SRPRA: variants seen among roughly 807,000 people sequenced by gnomAD.
SRPRA encodes the protein SRP receptor subunit alpha.
Under a neutral mutation model 61.1 loss-of-function variants are expected in SRPRA, and 30 were observed. The observed-to-expected ratio is 0.49, with a 90% CI of 0.37 to 0.67. The LOEUF is 0.67. Among genes scored for constraint, SRPRA ranks in the 30% least tolerant of loss-of-function variants. SRPRA has a pLI of 0.00. For missense variants in SRPRA, 759 were observed against 828.4 expected (o/e 0.92, Z 1.03); for synonymous variants, 324 against 299.7 (o/e 1.08, Z -0.84).
rs549045415 is a variant in SRPRA at position 126,264,215 on chromosome 11, G to C, written c.1764C>G (p.Thr588=). Residue 588 remains threonine (T), a synonymous_variant, in exon 13 of 14, where the codon ACC becomes ACG. Coordinates refer to ENST00000332118, the MANE Select transcript of SRPRA (RefSeq NM_003139.4). This position sits in a 1 kb window ranked among gnomAD's most constrained non-coding sequence, Gnocchi z 5.0. ...TPRLIDGIVL[T]KFDTIDDKVG... is the part of the protein sequence containing the mutation. ...CCTTGTCATCAATGGTATCAAATTT[G>C]GTAAGAACAATGCCATCAATGAGCC... is the stretch of plus-strand genomic sequence containing the variant. 2 of 1,613,934 alleles carry C rather than the reference G, an allele frequency of 1.2e-6. No individual in the cohort carries two copies. The highest frequency in any genetic ancestry group is 1.7e-6 in the Non-Finnish European group (2 of 1,180,034).
chr11:126,242,024 C>CAAAA, the SRPRA span, among the ~76,000 whole-genome samples: 1 of 88,418 alleles, frequency 1.1e-5, no homozygotes. Flanking sequence ...GACTCCGTCT[C>CAAAA]AAAAAAAAAA....
the SRPRA span, among the ~76,000 whole-genome samples, chr11:126,237,919 T>G: frequency 1.3e-5 from 2 of 151,976 alleles, no homozygotes; most frequent in Non-Finnish European, 2.9e-5. Flanking sequence ...TCTTTTAATT[T>G]TTTTTTCTCC....
the SRPRA span, among the ~76,000 whole-genome samples, chr11:126,253,297 G>A: frequency 3.3e-5 from 5 of 152,128 alleles, no homozygotes; most frequent in South Asian, 6.2e-4. The surrounding 1 kb of genome is among the most constrained non-coding windows in gnomAD (Gnocchi z 5.1). Context: ...TCAGAATGGG[G>A]CCTAGTAACA....
the SRPRA span, among the ~76,000 whole-genome samples, chr11:126,238,119 T>A: frequency 6.6e-6 from 1 of 152,108 alleles, no homozygotes; most frequent in Non-Finnish European, 1.5e-5. Flanking sequence ...CCCAGCACTT[T>A]GGGAGGCCAA....
chr11:126,240,703 C>T, the SRPRA span: 1 of 1,357,368 alleles, frequency 7.4e-7, no homozygotes. Context: ...TAAAAGTTAG[C>T]TAAAAACTGT....
rs535431773 is a variant in SRPRA at position 126,265,671 on chromosome 11, A to G, written c.1138+66T>C. On this transcript the variant is annotated intron_variant, in intron 9 of 13. Transcript: ENST00000332118. This position sits in a 1 kb window ranked among gnomAD's most constrained non-coding sequence, Gnocchi z 6.3. Reference sequence around the variant, plus strand: ...GGAATTTGCCGAAAGTCACATACCTAGTAAGAACTGAGGTCTATGCACTTA... The same window carrying G: ...GGAATTTGCCGAAAGTCACATACCTGGTAAGAACTGAGGTCTATGCACTTA... 2.1e-4 allele frequency: 324 copies of G among 1,542,734 alleles called. 5 individuals are homozygous for G. In the South Asian group the frequency reaches 3.5e-3, roughly 17 times the overall value.
Position 126,266,927 on chromosome 11 carries a change from T to TG in SRPRA, c.527-6dup, listed in dbSNP as rs762630241. ...TAGCCAAAGGACCATCAGAACCTGT[T>TG]GGGGAAAAAACTCACTGAAGAAAAA... On this transcript the variant is annotated splice_polypyrimidine_tract_variant and splice_region_variant and intron_variant, in intron 4 of 13. Coordinates refer to ENST00000332118, the MANE Select transcript of SRPRA (RefSeq NM_003139.4). 1.2e-5 allele frequency: 19 copies of TG among 1,609,918 alleles called. No individual in the cohort carries two copies. The highest frequency in any genetic ancestry group is 1.1e-4 in the East Asian group (5 of 44,862).
At chr11:126,238,972 C>CTTT in the SRPRA span, among the ~76,000 whole-genome samples, 12 of 129,874 alleles carry the variant, frequency 9.2e-5, no homozygotes, top group Non-Finnish European at 1.5e-4. Context: ...AAGTGGAAGT[C>CTTT]TTTTTTTTTT....
At chr11:126,249,604 G>T in the SRPRA span, among the ~76,000 whole-genome samples, 11 of 151,858 alleles carry the variant, frequency 7.2e-5, no homozygotes, top group Non-Finnish European at 1.5e-5. Flanking sequence ...AGTGGCAGGC[G>T]CCTGTAATCC....
chr11:126,265,144 A>C lies in SRPRA; in HGVS notation c.1340T>G (p.Phe447Cys), dbSNP rs766669851. The C allele has an allele frequency of 2.5e-6, 4 of 1,614,128 alleles. No homozygotes were observed. Among genetic ancestry groups the C allele is most frequent in the Non-Finnish European group, 3.4e-6 (4 of 1,180,054 alleles). ...ATCACAGGCAGCAATGAGGACACTG[A>C]AGCCATTCTCTAACAACCAGAAGGA... ...KISFWLLENG[F>C]SVLIAACDTF... Residue 447 changes from phenylalanine (F) to cysteine (C), a missense_variant, in exon 11 of 14, where the codon TTC becomes TGC. This residue lies in a region of SRPRA where 284 missense variants were observed against 365.9 expected (regional missense o/e 0.78). Coordinates refer to ENST00000332118, the MANE Select transcript of SRPRA (RefSeq NM_003139.4). The surrounding 1 kb of genome is among the most constrained non-coding windows in gnomAD (Gnocchi z 6.3).
Position 126,266,490 on chromosome 11 carries a change from C to CA in SRPRA, c.825dup (p.Glu276Ter), listed in dbSNP as rs757593221. On this transcript the variant is annotated frameshift_variant, in exon 6 of 14. Transcript: ENST00000332118. LOFTEE classifies it high-confidence loss of function. ...TTACCTCTTACCAGGTTGATGTCCT[C>CA]AGACAAGGCAGCCTCAGGGGTTCCA... is the stretch of plus-strand genomic sequence containing the variant. The CA allele has an allele frequency of 1.2e-6, 2 of 1,613,916 alleles. No homozygotes were observed. The highest frequency in any genetic ancestry group is 3.3e-5 in the Admixed American group (2 of 59,982).
At chr11:126,250,553 A>G in the SRPRA span, 1 of 1,614,108 alleles carries the variant, frequency 6.2e-7, no homozygotes, top group Non-Finnish European at 8.5e-7. This position sits in a 1 kb window ranked among gnomAD's most constrained non-coding sequence, Gnocchi z 5.1. Context: ...GTTTATATGA[A>G]GTATTTGATG....
At chr11:126,249,755 GAAAA>G in the SRPRA span, among the ~76,000 whole-genome samples, 1 of 111,066 alleles carries the variant, frequency 9.0e-6, no homozygotes, top group African/African-American at 3.0e-5. Flanking sequence ...AAAAAAAAAA[GAAAA>G]AGAAAAGGAG....
the SRPRA span, among the ~76,000 whole-genome samples, chr11:126,245,643 A>G: frequency 6.6e-6 from 1 of 151,340 alleles, no homozygotes; most frequent in Non-Finnish European, 1.5e-5. Flanking sequence ...GCAATCAGCT[A>G]TGATCATGTC....
At chr11:126,247,864 A>T in the SRPRA span, among the ~76,000 whole-genome samples, 6 of 146,262 alleles carry the variant, frequency 4.1e-5, no homozygotes, top group Admixed American at 4.1e-4. Context: ...TCTCAAAAAA[A>T]AAATATATAT....
rs761467833 is a variant in SRPRA at position 126,264,491 on chromosome 11, A to G, written c.1574T>C (p.Met525Thr). 2 of 1,613,918 alleles carry G rather than the reference A, an allele frequency of 1.2e-6. No individual in the cohort carries two copies. The highest frequency in any genetic ancestry group is 1.7e-5 in the Admixed American group (1 of 60,022). Residue 525 changes from methionine (M) to threonine (T), a missense_variant, in exon 12 of 14, where the codon ATG (methionine) becomes ACG (threonine). This residue lies in a region of SRPRA where 284 missense variants were observed against 365.9 expected (regional missense o/e 0.78). Coordinates refer to ENST00000332118, the MANE Select transcript of SRPRA (RefSeq NM_003139.4). The surrounding 1 kb of genome is among the most constrained non-coding windows in gnomAD (Gnocchi z 5.0). ...DVVLVDTAGR[M>T]QDNAPLMTAL... Reference sequence around the variant, plus strand: ...AGTCATCAGAGGGGCATTGTCTTGCATGCGGCCTGCCGTGTCCACCAGCAC... The same window carrying G: ...AGTCATCAGAGGGGCATTGTCTTGCGTGCGGCCTGCCGTGTCCACCAGCAC...
the SRPRA span, chr11:126,250,698 C>G: frequency 6.2e-7 from 1 of 1,613,898 alleles, no homozygotes; most frequent in Non-Finnish European, 8.5e-7. The surrounding 1 kb of genome is among the most constrained non-coding windows in gnomAD (Gnocchi z 5.1). Flanking sequence ...TCAGGGGAAA[C>G]AGCTTGAATC....
chr11:126,264,128 T>C lies in SRPRA; in HGVS notation c.1788+63A>G. The C allele has an allele frequency of 1.2e-6, 2 of 1,612,140 alleles. No individual in the cohort carries two copies. Among genetic ancestry groups the C allele is most frequent in the Non-Finnish European group, 1.7e-6 (2 of 1,178,692 alleles). On this transcript the variant is annotated intron_variant, in intron 13 of 13. Coordinates refer to ENST00000332118, the MANE Select transcript of SRPRA (RefSeq NM_003139.4). This position sits in a 1 kb window ranked among gnomAD's most constrained non-coding sequence, Gnocchi z 5.0. ...GGAACAGGAAGCGCTGGAGCCAAGATTTCCTTGCAGCCTCAGCTCCTTTGT... is the reference window on the plus strand; with the variant it reads ...GGAACAGGAAGCGCTGGAGCCAAGACTTCCTTGCAGCCTCAGCTCCTTTGT...
the SRPRA span, chr11:126,256,499 CCTT>C: frequency 1.1e-4 from 161 of 1,480,912 alleles, no homozygotes; most frequent in African/African-American, 2.0e-3. This position sits in a 1 kb window ranked among gnomAD's most constrained non-coding sequence, Gnocchi z 6.6. Flanking sequence ...CGTAGCATGA[CCTT>C]CTTGTTTCAG....
Sources: gnomAD v4.1 joint callset for allele counts (sites outside exome capture counted in the v4.1 genomes callset) on GRCh38, gnomAD v4.1.1 for gene constraint, gnomAD v4.1.1 regional missense constraint, Gnocchi (gnomAD v3.1) non-coding constraint, MANE v1.5 for transcripts, NCBI Gene and HGNC (gene_info 2026-07-23, HGNC 2026-07-21) for gene names.